Variants in ARHGAP15 observed in about 807,000 individuals in gnomAD.
ARHGAP15 encodes the protein Rho GTPase activating protein 15, also known as rho GTPase-activating protein 15.
A neutral mutation model predicts 63.7 loss-of-function variants in ARHGAP15; 51 were observed. The observed-to-expected ratio is 0.80, with a 90% CI of 0.64 to 1.01. The LOEUF is 1.01. Ranked by LOEUF, ARHGAP15 falls within the 50% of genes least tolerant of loss-of-function variation. The pLI, the probability that ARHGAP15 is intolerant of heterozygous loss-of-function variation, is 0.00. For missense variants in ARHGAP15, 560 were observed against 564.6 expected (o/e 0.99, Z 0.08); for synonymous variants, 191 against 193.8 (o/e 0.99, Z 0.12).
intron 8 of ARHGAP15, among the ~76,000 whole-genome samples, chr2:143,469,800 C>T (rs1027781499): frequency 6.6e-6 from 1 of 152,046 alleles, no homozygotes; most frequent in Non-Finnish European, 1.5e-5. Flanking sequence ...AAAATTAATA[C>T]TATTTCTTTT....
At chr2:143,131,654 T>C (rs770426249) in intron 1 of ARHGAP15, among the ~76,000 whole-genome samples, 2 of 152,074 alleles carry the variant, frequency 1.3e-5, no homozygotes, top group Non-Finnish European at 2.9e-5. Context: ...TTCCAGCACT[T>C]AGGGAATCTA....
intron 6 of ARHGAP15, among the ~76,000 whole-genome samples, chr2:143,299,481 T>A (rs1430476763): frequency 6.6e-6 from 1 of 152,008 alleles, no homozygotes; most frequent in East Asian, 1.9e-4. Context: ...TTACATTATG[T>A]AATGTTACAG....
At chr2:143,284,944 G>C (rs981487856) in intron 6 of ARHGAP15, among the ~76,000 whole-genome samples, 2 of 152,030 alleles carry the variant, frequency 1.3e-5, no homozygotes, top group Non-Finnish European at 2.9e-5. Flanking sequence ...GAAAGACAAT[G>C]TACATTTGGG....
Position 143,186,702 on chromosome 2 carries a change from A to T in ARHGAP15, c.166-15432A>T, listed in dbSNP as rs554014601. Among the ~76,000 whole-genome samples the T allele has an allele frequency of 9.2e-5, 14 of 152,328 alleles. 1 individual carries two copies. The South Asian group carries it at 2.9e-3, about 32-fold the overall frequency. On this transcript the variant is annotated intron_variant, in intron 2 of 13. Transcript: ENST00000295095. ...TAAATGCCCAGGACCACAATTTGGG[A>T]ATCATTACTCTATGTGACTGATTTC...
intron 11 of ARHGAP15, among the ~76,000 whole-genome samples, chr2:143,615,544 G>A (rs1283272172): frequency 6.6e-6 from 1 of 152,124 alleles, no homozygotes; most frequent in Non-Finnish European, 1.5e-5. Flanking sequence ...CATTTGACAA[G>A]TGAAGAAACC....
At chr2:143,724,918 C>T (rs1685215047) in intron 13 of ARHGAP15, among the ~76,000 whole-genome samples, 2 of 152,186 alleles carry the variant, frequency 1.3e-5, no homozygotes, top group Admixed American at 1.3e-4. Flanking sequence ...CGCTATTTCA[C>T]AGAAATTTCA....
intron 9 of ARHGAP15, among the ~76,000 whole-genome samples, chr2:143,492,794 C>T (rs1335769069): frequency 1.3e-5 from 2 of 151,304 alleles, no homozygotes; most frequent in African/African-American, 2.4e-5. Flanking sequence ...TGGTGGCTCA[C>T]GCCTGTAATC....
In ARHGAP15 at chr2:143,371,831, C is replaced by A. The variant is rs539905033; in HGVS notation, c.475-63770C>A. 8.5e-5 allele frequency among the ~76,000 whole-genome samples: 13 copies of A among 152,152 alleles called. No homozygotes were observed. In the South Asian group the frequency reaches 1.9e-3, roughly 22 times the overall value. Reference sequence around the variant, plus strand: ...CATTGAGTTTTCAGTTTGTGCATTCCATTATCATGAATGTACTGAGAAGCA... The same window carrying A: ...CATTGAGTTTTCAGTTTGTGCATTCAATTATCATGAATGTACTGAGAAGCA... On this transcript the variant is annotated intron_variant, in intron 6 of 13. Transcript: ENST00000295095.
At chr2:143,715,614 T>A (rs933376500) in intron 13 of ARHGAP15, among the ~76,000 whole-genome samples, 2 of 152,226 alleles carry the variant, frequency 1.3e-5, no homozygotes, top group Non-Finnish European at 2.9e-5. Flanking sequence ...ATAGATGCTG[T>A]ATATTAGACC....
At chr2:143,290,175 T>C (rs1370311287) in intron 6 of ARHGAP15, among the ~76,000 whole-genome samples, 1 of 152,078 alleles carries the variant, frequency 6.6e-6, no homozygotes, top group African/African-American at 2.4e-5. Flanking sequence ...CCAATAGCTA[T>C]TTACGATCAG....
At chr2:143,227,505 GT>G (rs1693256771) in intron 4 of ARHGAP15, among the ~76,000 whole-genome samples, 1 of 152,134 alleles carries the variant, frequency 6.6e-6, no homozygotes. Context: ...TATCATAAGT[GT>G]TATGAGAGGA....
At chr2:143,565,577 A>G (rs1194751987) in intron 11 of ARHGAP15, among the ~76,000 whole-genome samples, 1 of 152,230 alleles carries the variant, frequency 6.6e-6, no homozygotes, top group Non-Finnish European at 1.5e-5. Flanking sequence ...TATATTTTAC[A>G]TTATATTTTC....
chr2:143,278,334 C>A (rs1417270791), intron 6 of ARHGAP15, among the ~76,000 whole-genome samples: 1 of 152,174 alleles, frequency 6.6e-6, no homozygotes, highest in Non-Finnish European at 1.5e-5. Flanking sequence ...AGCAGGCACT[C>A]TTGTGTCTTG....
At chr2:143,333,702 G>A (rs1430630176) in intron 6 of ARHGAP15, among the ~76,000 whole-genome samples, 2 of 152,180 alleles carry the variant, frequency 1.3e-5, no homozygotes, top group African/African-American at 4.8e-5. Context: ...CACCGGCTAA[G>A]AGCAAAAATA....
chr2:143,139,444 T>C (rs1160899863), intron 1 of ARHGAP15, among the ~76,000 whole-genome samples: 2 of 152,144 alleles, frequency 1.3e-5, no homozygotes, highest in Non-Finnish European at 2.9e-5. Flanking sequence ...TCTCAGGCTT[T>C]TATATTGCTA....
chr2:143,153,843 T>TCCTCTTCCTCCTCC (rs1558779622), intron 1 of ARHGAP15, among the ~76,000 whole-genome samples: 1 of 86,868 alleles, frequency 1.2e-5, no homozygotes, highest in South Asian at 4.8e-4. Context: ...CTTCTTCTTC[T>TCCTCTTCCTCCTCC]TCCTCCTCCT....
intron 6 of ARHGAP15, among the ~76,000 whole-genome samples, chr2:143,350,221 T>G (rs779660038): frequency 6.6e-6 from 1 of 152,142 alleles, no homozygotes; most frequent in Non-Finnish European, 1.5e-5. Context: ...TTCAGCATAT[T>G]TTTTAAAAAG....
intron 6 of ARHGAP15, among the ~76,000 whole-genome samples, chr2:143,340,925 T>A (rs1265940946): frequency 6.6e-6 from 1 of 152,152 alleles, no homozygotes; most frequent in African/African-American, 2.4e-5. Context: ...AAAATAGAAG[T>A]TGATCTAATA....
chr2:143,712,789 T>C (rs1349044603), intron 13 of ARHGAP15, among the ~76,000 whole-genome samples: 1 of 134,752 alleles, frequency 7.4e-6, no homozygotes, highest in Non-Finnish European at 1.6e-5. Context: ...GTTCTTACCT[T>C]CACCCTTCAG....
Sources: allele counts gnomAD v4.1 joint callset (sites outside exome capture counted in the v4.1 genomes callset), GRCh38; gene constraint gnomAD v4.1.1; transcripts MANE v1.5; gene names NCBI Gene and HGNC (gene_info 2026-07-23, HGNC 2026-07-21).